The following GRID2 variants were observed in gnomAD, a reference collection of about 807,000 sequenced individuals.
GRID2 encodes the protein glutamate receptor ionotropic, delta-2.
Under a neutral mutation model 114.8 loss-of-function variants are expected in GRID2, and 33 were observed. That is an observed-to-expected ratio of 0.29 (90% CI 0.22 to 0.38). GRID2 has a LOEUF of 0.38. Ranked by LOEUF, GRID2 falls within the 10% of genes least tolerant of loss-of-function variation. GRID2 has a pLI of 1.00. For synonymous variants in GRID2, 505 were observed against 449.9 expected (o/e 1.12, Z -1.55); for missense variants, 1,184 against 1,257.7 (o/e 0.94, Z 0.89).
intron 2 of GRID2, among the ~76,000 whole-genome samples, chr4:93,027,560 G>A (rs867371071): frequency 6.6e-6 from 1 of 152,062 alleles, no homozygotes; most frequent in Non-Finnish European, 1.5e-5. Context: ...TTCACAGTGA[G>A]AATATTCAAT....
chr4:92,389,120 T>G (rs1016202189), intron 1 of GRID2, among the ~76,000 whole-genome samples: 1 of 152,022 alleles, frequency 6.6e-6, no homozygotes, highest in African/African-American at 2.4e-5. Context: ...AGTTTGGTGT[T>G]TTAGGAAGAA....
intron 2 of GRID2, among the ~76,000 whole-genome samples, chr4:92,978,997 G>T (rs532402684): frequency 6.6e-6 from 1 of 151,922 alleles, no homozygotes. Flanking sequence ...CTCCAGCCCT[G>T]GTGGCTGAGA....
At position 92,512,362 on chromosome 4, in the gene GRID2, C is replaced by A. The variant is rs551519852; in HGVS notation, c.89-77769C>A. Among the ~76,000 whole-genome samples the A allele has an allele frequency of 9.2e-5, 14 of 151,914 alleles. No individual in the cohort carries two copies. In the East Asian group the frequency reaches 2.7e-3, roughly 30 times the overall value. On this transcript the variant is annotated intron_variant, in intron 1 of 15. Transcript: ENST00000282020. ...GTATAAATATTCATTCATGTGAGTT[C>A]ATTCAAGTCTCTCCTTTTAATTCTT...
intron 13 of GRID2, among the ~76,000 whole-genome samples, chr4:93,554,991 A>G (rs975940036): frequency 6.6e-6 from 1 of 152,134 alleles, no homozygotes; most frequent in Non-Finnish European, 1.5e-5. Context: ...CACCTCACCC[A>G]GGAAACACAA....
At chr4:92,405,228 T>C (rs1159884881) in intron 1 of GRID2, among the ~76,000 whole-genome samples, 1 of 152,142 alleles carries the variant, frequency 6.6e-6, no homozygotes, top group Non-Finnish European at 1.5e-5. Context: ...GTGCAAATAA[T>C]AATATTTATA....
At chr4:93,081,646 C>T (rs4615143) in intron 2 of GRID2, among the ~76,000 whole-genome samples, 65,810 of 151,826 alleles carry the variant, frequency 0.43, 14,825 homozygotes, top group Admixed American at 0.59. Context: ...TAGATGTTTA[C>T]GTATATGTGC....
intron 10 of GRID2, among the ~76,000 whole-genome samples, chr4:93,428,044 A>G (rs543881763): frequency 3.3e-5 from 5 of 152,176 alleles, no homozygotes; most frequent in South Asian, 2.1e-4. Flanking sequence ...CAAAAAAATT[A>G]AAAACAAAGA....
In GRID2 at chr4:92,590,032, T is replaced by C; in HGVS notation, c.89-99T>C. 1.0e-5 allele frequency: 8 copies of C among 763,792 alleles called. No individual in the cohort carries two copies. The South Asian group carries it at 1.2e-4, about 11-fold the overall frequency. 47.3% of individuals were successfully genotyped at this position (763,792 alleles called of 1,614,324 possible). On this transcript the variant is annotated intron_variant, in intron 1 of 15. Coordinates refer to ENST00000282020, the MANE Select transcript of GRID2 (RefSeq NM_001510.4). ...ATAAAGTGCATGCTCTAAGTGAAAG[T>C]ATATGTTTTTTAAACACATAAGTCT...
chr4:92,656,077 G>C (rs1332660570), intron 2 of GRID2, among the ~76,000 whole-genome samples: 1 of 151,652 alleles, frequency 6.6e-6, no homozygotes, highest in Non-Finnish European at 1.5e-5. Context: ...ATCTTGCAGA[G>C]TAGTAGTTCT....
At chr4:93,724,537 T>G (rs995156618) in intron 14 of GRID2, among the ~76,000 whole-genome samples, 15 of 152,118 alleles carry the variant, frequency 9.9e-5, no homozygotes, top group African/African-American at 3.6e-4. Flanking sequence ...CATTACCAAA[T>G]TACATGTAAT....
chr4:93,283,140 G>A (rs1026143454), intron 8 of GRID2, among the ~76,000 whole-genome samples: 4 of 151,960 alleles, frequency 2.6e-5, no homozygotes, highest in African/African-American at 9.7e-5. Context: ...CAACCTCTTA[G>A]GTCCATCCAC....
chr4:93,660,458 A>G (rs1001069741), intron 14 of GRID2, among the ~76,000 whole-genome samples: 11 of 152,210 alleles, frequency 7.2e-5, no homozygotes, highest in Non-Finnish European at 1.2e-4. Flanking sequence ...ACATTTGTGT[A>G]TTAGAAATGA....
intron 2 of GRID2, among the ~76,000 whole-genome samples, chr4:93,082,805 C>T (rs995704786): frequency 1.3e-5 from 2 of 152,202 alleles, no homozygotes; most frequent in Admixed American, 1.3e-4. Context: ...ACAAAATTAA[C>T]TGGTTTTAGT....
intron 13 of GRID2, among the ~76,000 whole-genome samples, chr4:93,573,053 G>C (rs942869037): frequency 6.6e-6 from 1 of 152,142 alleles, no homozygotes; most frequent in Non-Finnish European, 1.5e-5. Context: ...ACCTAGATCA[G>C]TGCTTAGCAC....
In GRID2 at chr4:93,395,784, T is replaced by C. The variant is rs576334230; in HGVS notation, c.1347+76T>C. ...CTATATTTCTTTCTTTATTAACTGA[T>C]GACATAATCTTAAAAGAGATTTTAA... On this transcript the variant is annotated intron_variant, in intron 9 of 15. Transcript: ENST00000282020. 9.5e-5 allele frequency: 63 copies of C among 663,478 alleles called. 3 individuals are homozygous for C. The South Asian group carries it at 1.1e-3, about 11-fold the overall frequency. 41.1% of individuals were successfully genotyped at this position (663,478 alleles called of 1,614,324 possible).
At chr4:93,408,964 T>C (rs920162137) in intron 9 of GRID2, among the ~76,000 whole-genome samples, 7 of 152,152 alleles carry the variant, frequency 4.6e-5, no homozygotes, top group Admixed American at 2.6e-4. Flanking sequence ...CTTAAAACCT[T>C]AGATCAGCCA....
At chr4:93,661,350 T>C (rs527242040) in intron 14 of GRID2, among the ~76,000 whole-genome samples, 53 of 152,338 alleles carry the variant, frequency 3.5e-4, no homozygotes, top group South Asian at 1.7e-3. Flanking sequence ...GTATCCTTTT[T>C]TCAGTGTCAT....
chr4:93,718,046 G>C (rs1729055472), intron 14 of GRID2, among the ~76,000 whole-genome samples: 1 of 152,136 alleles, frequency 6.6e-6, no homozygotes, highest in Non-Finnish European at 1.5e-5. Flanking sequence ...ACGAGGTCAG[G>C]AGATCGAGAC....
At chr4:93,056,344 A>T (rs1487623422) in intron 2 of GRID2, among the ~76,000 whole-genome samples, 3 of 151,926 alleles carry the variant, frequency 2.0e-5, no homozygotes, top group Non-Finnish European at 4.4e-5. Context: ...CACACTGATC[A>T]TTCACTTGAT....
Sources: allele counts gnomAD v4.1 joint callset (sites outside exome capture counted in the v4.1 genomes callset), GRCh38; gene constraint gnomAD v4.1.1; transcripts MANE v1.5; gene names NCBI Gene and HGNC (gene_info 2026-07-23, HGNC 2026-07-21).